LRMDA: variants seen among roughly 807,000 people sequenced by gnomAD.
LRMDA encodes the protein leucine-rich melanocyte differentiation-associated protein.
Under a neutral mutation model 29.8 loss-of-function variants are expected in LRMDA, and 18 were observed. That is an observed-to-expected ratio of 0.60 (90% CI 0.42 to 0.90). The LOEUF (loss-of-function observed/expected upper bound fraction) is 0.90. Among genes scored for constraint, LRMDA ranks in the 40% least tolerant of loss-of-function variants. LRMDA has a pLI of 0.00. For synonymous variants in LRMDA, 125 were observed against 109.4 expected, an observed-to-expected ratio of 1.14 and a Z score of -0.89; for missense variants, 273 against 273.9, an observed-to-expected ratio of 1.00 and a Z score of 0.02.
rs565920523 is a variant in LRMDA at position 75,825,608 on chromosome 10, C to T, written c.132-210400C>T. ...GTGGCAAGGAATAAAAACATTTACACCAGTTTAATATGAATGGTTGAAGAA... is the reference window on the plus strand; with the variant it reads ...GTGGCAAGGAATAAAAACATTTACATCAGTTTAATATGAATGGTTGAAGAA... On this transcript the variant is annotated intron_variant, in intron 2 of 6. Transcript: ENST00000611255. 3.9e-3 allele frequency among the ~76,000 whole-genome samples: 595 copies of T among 152,250 alleles called. 4 individuals are homozygous for T. The highest frequency in any genetic ancestry group is 0.012 in the African/African-American group (480 of 41,524).
At chr10:75,847,805 A>C (rs1844666404) in intron 2 of LRMDA, among the ~76,000 whole-genome samples, 4 of 152,198 alleles carry the variant, frequency 2.6e-5, no homozygotes. Flanking sequence ...AAATGGAAAG[A>C]CATCCTCTAA....
At chr10:75,711,321 AGCT>A (rs1421964337) in intron 2 of LRMDA, among the ~76,000 whole-genome samples, 3 of 152,162 alleles carry the variant, frequency 2.0e-5, no homozygotes, top group African/African-American at 7.2e-5. Flanking sequence ...GCTGGGCCTC[AGCT>A]TTCTTAGTTG....
chr10:76,333,546 G>A (rs1020522819), intron 6 of LRMDA, among the ~76,000 whole-genome samples: 1 of 152,222 alleles, frequency 6.6e-6, no homozygotes, highest in Non-Finnish European at 1.5e-5. Flanking sequence ...GAGAGCAGGA[G>A]TGGGGGCCAT....
intron 4 of LRMDA, among the ~76,000 whole-genome samples, chr10:76,058,142 G>A (rs541301746): frequency 1.1e-4 from 16 of 152,264 alleles, no homozygotes; most frequent in South Asian, 6.2e-4. Context: ...GGGATGATGC[G>A]AACAAAGTTC....
chr10:76,299,105 T>C (rs1405270186), intron 5 of LRMDA, among the ~76,000 whole-genome samples: 3 of 151,962 alleles, frequency 2.0e-5, no homozygotes, highest in Non-Finnish European at 4.4e-5. Context: ...ACATACCAGA[T>C]AGATGTTCCT....
At chr10:76,034,020 G>A (rs942424543) in intron 2 of LRMDA, among the ~76,000 whole-genome samples, 3 of 152,094 alleles carry the variant, frequency 2.0e-5, no homozygotes, top group Non-Finnish European at 2.9e-5. Context: ...CCAGTTAGCC[G>A]TCCTTCACTT....
rs33976322 is a variant in LRMDA, at chr10:76,237,785, C to CTTTTT, written c.517-86596_517-86592dup. On this transcript the variant is annotated intron_variant, in intron 5 of 6. Transcript: ENST00000611255. The stretch of plus-strand genomic sequence containing the variant: ...CTTTCTATTTAAAGGGACAAGAGTG[C>CTTTTT]TTTTTTTTTTTTTTTTTTTTTTTTA... Among the ~76,000 whole-genome samples, 117 of 84,112 alleles carry CTTTTT rather than the reference C, an allele frequency of 1.4e-3. 10 individuals are homozygous for CTTTTT. The East Asian group carries it at 0.02, about 15-fold the overall frequency. The allele number at this position is 84,112 out of a possible 152,430, so 55.2% of individuals were successfully genotyped here. A position where few individuals can be genotyped will look rare whatever the true frequency, so the allele number is the denominator to read the frequency against.
intron 5 of LRMDA, among the ~76,000 whole-genome samples, chr10:76,100,130 A>T (rs968508540): frequency 6.6e-6 from 1 of 151,918 alleles, no homozygotes; most frequent in Non-Finnish European, 1.5e-5. Flanking sequence ...CACATTTAGG[A>T]TTGTTATGTG....
At chr10:76,528,815 G>C (rs190865653) in intron 6 of LRMDA, among the ~76,000 whole-genome samples, 6 of 152,224 alleles carry the variant, frequency 3.9e-5, no homozygotes, top group Admixed American at 2.6e-4. Flanking sequence ...TCTTCCAACA[G>C]ACTGGCTCCC....
chr10:75,484,068 A>C (rs2132055406), intron 2 of LRMDA, among the ~76,000 whole-genome samples: 1 of 151,964 alleles, frequency 6.6e-6, no homozygotes, highest in East Asian at 1.9e-4. Flanking sequence ...CAATCCTCCC[A>C]CTTCAGCCTC....
intron 5 of LRMDA, among the ~76,000 whole-genome samples, chr10:76,150,743 C>T (rs913900166): frequency 5.9e-5 from 9 of 152,202 alleles, no homozygotes; most frequent in Admixed American, 6.5e-5. Context: ...CTATTTATAC[C>T]GGTGGCAAGG....
chr10:76,551,698 G>T (rs1237390453), intron 6 of LRMDA, among the ~76,000 whole-genome samples: 1 of 152,106 alleles, frequency 6.6e-6, no homozygotes, highest in Non-Finnish European at 1.5e-5. Flanking sequence ...TTAGGTACCG[G>T]GTGTTAGAAA....
intron 6 of LRMDA, among the ~76,000 whole-genome samples, chr10:76,527,134 C>A (rs1843185249): frequency 6.6e-6 from 1 of 150,510 alleles, no homozygotes; most frequent in African/African-American, 2.4e-5. Flanking sequence ...CTCTCTAATG[C>A]CATGTTTCTT....
intron 2 of LRMDA, among the ~76,000 whole-genome samples, chr10:75,849,264 T>G (rs1475826002): frequency 6.6e-6 from 1 of 152,168 alleles, no homozygotes; most frequent in African/African-American, 2.4e-5. Flanking sequence ...ATGTAGATAC[T>G]TGAAGCAGTT....
At chr10:75,975,324 A>T (rs770206751) in intron 2 of LRMDA, among the ~76,000 whole-genome samples, 14 of 152,172 alleles carry the variant, frequency 9.2e-5, no homozygotes, top group Non-Finnish European at 1.3e-4. Context: ...TTTCTGAAGG[A>T]TGGAAACAAA....
chr10:76,238,305 G>T (rs1852198837), intron 5 of LRMDA, among the ~76,000 whole-genome samples: 1 of 152,088 alleles, frequency 6.6e-6, no homozygotes, highest in Non-Finnish European at 1.5e-5. Context: ...AGGCAATTTG[G>T]TCCTCTATTT....
intron 2 of LRMDA, among the ~76,000 whole-genome samples, chr10:76,032,256 C>T (rs1386744775): frequency 2.6e-5 from 4 of 152,170 alleles, no homozygotes; most frequent in African/African-American, 9.6e-5. Flanking sequence ...CCTCAAGGGG[C>T]GGCCCTTCTG....
At chr10:75,862,338 G>T (rs1281493645) in intron 2 of LRMDA, among the ~76,000 whole-genome samples, 1 of 152,074 alleles carries the variant, frequency 6.6e-6, no homozygotes, top group Non-Finnish European at 1.5e-5. Context: ...ATTTAGTTCA[G>T]ACTCAAGATG....
At chr10:76,249,068 C>T (rs1852426103) in intron 5 of LRMDA, among the ~76,000 whole-genome samples, 1 of 152,156 alleles carries the variant, frequency 6.6e-6, no homozygotes, top group South Asian at 2.1e-4. Flanking sequence ...TACAAGGACT[C>T]ATATCCTGTT....
Sources: gnomAD v4.1 joint callset for allele counts (sites outside exome capture counted in the v4.1 genomes callset) on GRCh38, gnomAD v4.1.1 for gene constraint, MANE v1.5 for transcripts, NCBI Gene and HGNC (gene_info 2026-07-23, HGNC 2026-07-21) for gene names.